Variants in COX10 observed in about 807,000 individuals in gnomAD.
The protein encoded by COX10 is cytochrome c oxidase assembly factor heme A:farnesyltransferase COX10.
COX10 carries 27 observed loss-of-function variants against 37.3 expected under a neutral mutation model. The observed-to-expected ratio is 0.72, with a 90% CI of 0.53 to 1.00. The LOEUF is 1.00. COX10 is among the 50% of genes least tolerant of loss of function. The probability of loss-of-function intolerance (pLI) is 0.00; values close to 1 mark genes in which losing one functional copy is unlikely to be tolerated. For synonymous variants in COX10, 222 were observed against 229.1 expected, an observed-to-expected ratio of 0.97 and a Z score of 0.28; for missense variants, 475 against 563.2, an observed-to-expected ratio of 0.84 and a Z score of 1.59.
chr17:14,206,970 C>T lies in COX10; in HGVS notation c.1089C>T (p.Ala363=), dbSNP rs774320292. The change falls in exon 7 of 7, where the codon GCC becomes GCT. Residue 363 remains alanine (A), a synonymous_variant. Transcript: ENST00000261643. Reference sequence around the variant, plus strand: ...GCGTGGCGCTGCGCCACTGCCTGGCCCTGCTCGTGCTGTCCGCAGCAGCCC... The same window carrying T: ...GCGTGGCGCTGCGCCACTGCCTGGCTCTGCTCGTGCTGTCCGCAGCAGCCC... ...CRRVALRHCL[A]LLVLSAAAPV... 6.2e-6 allele frequency: 10 copies of T among 1,613,924 alleles called. No individual in the cohort carries two copies. The East Asian group carries it at 2.2e-4, about 36-fold the overall frequency.
At chr17:14,097,320 T>G (rs1004312283) in intron 3 of COX10, among the ~76,000 whole-genome samples, 3 of 100,212 alleles carry the variant, frequency 3.0e-5, no homozygotes, top group Admixed American at 1.9e-4. Context: ...GCTTTTGGGT[T>G]TTTTTTTTTA....
chr17:14,158,164 A>G (rs1434730261), intron 4 of COX10, among the ~76,000 whole-genome samples: 1 of 152,112 alleles, frequency 6.6e-6, no homozygotes, highest in Non-Finnish European at 1.5e-5. Context: ...TAGTAACCTG[A>G]AAAGAAGAAA....
intron 5 of COX10, among the ~76,000 whole-genome samples, chr17:14,161,205 T>TTA: frequency 6.6e-6 from 1 of 152,198 alleles, no homozygotes; most frequent in Admixed American, 6.5e-5. Context: ...GGGCCTTAGC[T>TTA]GTTGTAATTG....
chr17:14,130,582 C>G (rs191814294), intron 4 of COX10, among the ~76,000 whole-genome samples: 1 of 152,202 alleles, frequency 6.6e-6, no homozygotes, highest in Admixed American at 6.6e-5. Flanking sequence ...ACCATCTACC[C>G]TTATAGGATT....
At chr17:14,123,520 A>G (rs1027013259) in intron 4 of COX10, among the ~76,000 whole-genome samples, 2 of 152,206 alleles carry the variant, frequency 1.3e-5, no homozygotes, top group Non-Finnish European at 2.9e-5. Flanking sequence ...AGCCTAGAGC[A>G]TGATGGAAAC....
intron 5 of COX10, among the ~76,000 whole-genome samples, chr17:14,187,882 C>T (rs1735529466): frequency 6.6e-6 from 1 of 152,182 alleles, no homozygotes; most frequent in Non-Finnish European, 1.5e-5. Context: ...ACCCAGTTTT[C>T]ATTCATGCCC....
chr17:14,076,111 CTTTTTTTTT>C (rs376434284), intron 2 of COX10, among the ~76,000 whole-genome samples: 4 of 103,254 alleles, frequency 3.9e-5, no homozygotes, highest in African/African-American at 7.6e-5. Flanking sequence ...TCTTTTTTGT[CTTTTTTTTT>C]TTTTTTTTTT....
At chr17:14,087,330 C>G (rs1446045421) in intron 3 of COX10, among the ~76,000 whole-genome samples, 1 of 151,932 alleles carries the variant, frequency 6.6e-6, no homozygotes, top group Non-Finnish European at 1.5e-5. Flanking sequence ...CATATTGATT[C>G]ATTTTACCTC....
chr17:14,170,163 T>C (rs1905418485), intron 5 of COX10, among the ~76,000 whole-genome samples: 1 of 152,182 alleles, frequency 6.6e-6, no homozygotes. Context: ...TTAAATAAAT[T>C]ACCCAGTCTC....
intron 5 of COX10, among the ~76,000 whole-genome samples, chr17:14,168,144 CAG>C (rs1567606460): frequency 6.6e-6 from 1 of 152,344 alleles, no homozygotes; most frequent in African/African-American, 2.4e-5. Flanking sequence ...TTGGCCAAAA[CAG>C]AGGGGCTACA....
At chr17:14,186,511 GT>G (rs1906032239) in intron 5 of COX10, among the ~76,000 whole-genome samples, 1 of 151,710 alleles carries the variant, frequency 6.6e-6, no homozygotes, top group Admixed American at 6.6e-5. Context: ...CATAAACTAG[GT>G]TAGGTGCCCC....
At chr17:14,110,753 G>T (rs1480593584) in intron 4 of COX10, among the ~76,000 whole-genome samples, 1 of 152,022 alleles carries the variant, frequency 6.6e-6, no homozygotes, top group African/African-American at 2.4e-5. Flanking sequence ...ATTGACTGTT[G>T]GTTGACTGAT....
chr17:14,188,270 A>G (rs1906100272), intron 5 of COX10, among the ~76,000 whole-genome samples: 1 of 150,362 alleles, frequency 6.7e-6, no homozygotes. Context: ...GAAGAACAAC[A>G]TTATAATATG....
At chr17:14,173,771 T>C (rs1409527531) in intron 5 of COX10, among the ~76,000 whole-genome samples, 1 of 152,102 alleles carries the variant, frequency 6.6e-6, no homozygotes, top group Non-Finnish European at 1.5e-5. Flanking sequence ...GAAATTCTTT[T>C]CACAATGTCA....
rs191826108 is a variant in COX10 at position 14,108,656 on chromosome 17, C to T, written c.624+6414C>T. On this transcript the variant is annotated intron_variant, in intron 4 of 6. Transcript: ENST00000261643. The stretch of plus-strand genomic sequence containing the variant: ...TTTAATACTGACAATATTTGAGAGA[C>T]ATTCATGGCTGAAATAAGGTAAAAA... Among the ~76,000 whole-genome samples the T allele has an allele frequency of 1.2e-3, 132 of 111,688 alleles. 1 individual carries two copies. Among genetic ancestry groups the T allele is most frequent in the African/African-American group, 4.3e-3 (126 of 29,014 alleles). 73.3% of individuals were successfully genotyped at this position (111,688 alleles called of 152,430 possible).
chr17:14,129,060 G>A (rs1309389817), intron 4 of COX10, among the ~76,000 whole-genome samples: 1 of 151,794 alleles, frequency 6.6e-6, no homozygotes, highest in Non-Finnish European at 1.5e-5. Flanking sequence ...TGGCCAGGCT[G>A]GTCTTGAACT....
At position 14,070,253 on chromosome 17, in the gene COX10, T is replaced by G. The variant is rs556899734; in HGVS notation, c.43+605T>G. Among the ~76,000 whole-genome samples the G allele has an allele frequency of 8.8e-4, 134 of 152,340 alleles. 1 individual carries two copies. Among genetic ancestry groups the G allele is most frequent in the African/African-American group, 3.1e-3 (130 of 41,578 alleles). ...GTAATGGCTCATCTCAAATGTCACC[T>G]TTTCAGAGAGGCCTTTATAGAGACC... On this transcript the variant is annotated intron_variant, in intron 1 of 6. Coordinates refer to ENST00000261643, the MANE Select transcript of COX10 (RefSeq NM_001303.4).
intron 6 of COX10, among the ~76,000 whole-genome samples, chr17:14,193,298 C>G (rs1345510589): frequency 2.0e-5 from 3 of 152,178 alleles, no homozygotes; most frequent in African/African-American, 7.2e-5. Flanking sequence ...CCACTGTCTC[C>G]TCATCTCCCA....
intron 5 of COX10, among the ~76,000 whole-genome samples, chr17:14,164,644 G>A (rs976341060): frequency 3.3e-5 from 5 of 152,028 alleles, no homozygotes; most frequent in Admixed American, 6.6e-5. Context: ...AATAAACAAC[G>A]GGTTTCTAAA....
Sources: gnomAD v4.1 joint callset for allele counts (sites outside exome capture counted in the v4.1 genomes callset) on GRCh38, gnomAD v4.1.1 for gene constraint, MANE v1.5 for transcripts, NCBI Gene and HGNC (gene_info 2026-07-23, HGNC 2026-07-21) for gene names.